Variants in MAGI2 observed in about 807,000 individuals in gnomAD.
MAGI2 encodes the protein membrane-associated guanylate kinase, WW and PDZ domain-containing protein 2.
Under a neutral mutation model 133.3 loss-of-function variants are expected in MAGI2, and 35 were observed. That is an observed-to-expected ratio of 0.26 (90% confidence interval 0.20 to 0.35). The LOEUF is 0.35. Ranked by LOEUF, MAGI2 falls within the 10% of genes least tolerant of loss-of-function variation. The pLI, the probability that MAGI2 is intolerant of heterozygous loss-of-function variation, is 1.00. For synonymous variants in MAGI2, 729 were observed against 710.6 expected, an observed-to-expected ratio of 1.03 and a Z score of -0.41; for missense variants, 1,636 against 1,863.4, an observed-to-expected ratio of 0.88 and a Z score of 2.25.
intron 6 of MAGI2, among the ~76,000 whole-genome samples, chr7:78,402,289 T>G (rs1796951483): frequency 6.6e-6 from 1 of 151,532 alleles, no homozygotes; most frequent in Admixed American, 6.6e-5. Context: ...GATGTGTATG[T>G]GTGTGTGTCC....
At chr7:78,672,862 T>C (rs1210914360) in intron 2 of MAGI2, among the ~76,000 whole-genome samples, 3 of 152,158 alleles carry the variant, frequency 2.0e-5, no homozygotes, top group African/African-American at 7.2e-5. Context: ...CCTCTTACCA[T>C]TGTCTCAAAC....
At chr7:79,412,769 T>C (rs927828323) in intron 1 of MAGI2, 2 of 152,142 alleles carry the variant, frequency 1.3e-5, no homozygotes, top group Non-Finnish European at 2.9e-5. Flanking sequence ...CATCTGTATG[T>C]TGAAAACAAT....
rs545684124 is a variant in MAGI2, at chr7:78,866,714, A to C, written c.418+140376T>G. On this transcript the variant is annotated intron_variant, in intron 2 of 21. Transcript: ENST00000354212. ...GCTAAATAATGGAAAAGATAGTATA[A>C]ATTTACAGGAACCAGATCTCCTGCT... 2.6e-5 allele frequency among the ~76,000 whole-genome samples: 4 copies of C among 152,146 alleles called. No homozygotes were observed. In the South Asian group the frequency reaches 8.3e-4, roughly 32 times the overall value.
chr7:78,925,961 CT>C (rs1207621399), intron 2 of MAGI2, among the ~76,000 whole-genome samples: 2 of 151,932 alleles, frequency 1.3e-5, no homozygotes, highest in African/African-American at 2.4e-5. Flanking sequence ...ATGCCCATTG[CT>C]TTTTTATGAC....
At chr7:79,087,618 T>G (rs1030555887) in intron 1 of MAGI2, among the ~76,000 whole-genome samples, 1 of 152,084 alleles carries the variant, frequency 6.6e-6, no homozygotes, top group Non-Finnish European at 1.5e-5. Context: ...CTAGGAATTT[T>G]ATGGTTTTAG....
At chr7:79,034,752 C>T (rs1379296188) in intron 1 of MAGI2, among the ~76,000 whole-genome samples, 3 of 92,780 alleles carry the variant, frequency 3.2e-5, no homozygotes, top group Non-Finnish European at 7.3e-5. Context: ...TGACCATAAG[C>T]ACATAAGACG....
At chr7:78,404,162 T>G (rs543910221) in intron 6 of MAGI2, among the ~76,000 whole-genome samples, 95 of 152,134 alleles carry the variant, frequency 6.2e-4, no homozygotes, top group Non-Finnish European at 1.1e-3. Context: ...CTCAATGAAA[T>G]AAAAGAGGAC....
At chr7:78,085,541 A>G (rs1816521911) in intron 20 of MAGI2, among the ~76,000 whole-genome samples, 1 of 122,828 alleles carries the variant, frequency 8.1e-6, no homozygotes, top group Non-Finnish European at 1.7e-5. Context: ...AAACAAAATA[A>G]TAAAACTCCC....
chr7:79,241,658 C>G (rs551499762), intron 1 of MAGI2, among the ~76,000 whole-genome samples: 1 of 152,232 alleles, frequency 6.6e-6, no homozygotes, highest in Non-Finnish European at 1.5e-5. Context: ...TGAAAAATGA[C>G]AAGATTAGGC....
chr7:79,269,669 G>A (rs1834734258), intron 1 of MAGI2, among the ~76,000 whole-genome samples: 1 of 152,168 alleles, frequency 6.6e-6, no homozygotes, highest in Non-Finnish European at 1.5e-5. Flanking sequence ...ATAACAGCAA[G>A]AGAAATGTGA....
chr7:78,806,702 C>T (rs912489933), intron 2 of MAGI2, among the ~76,000 whole-genome samples: 1 of 151,202 alleles, frequency 6.6e-6, no homozygotes, highest in African/African-American at 2.4e-5. Flanking sequence ...CCTGTCTCTA[C>T]AAAAAAATAA....
intron 9 of MAGI2, among the ~76,000 whole-genome samples, chr7:78,278,548 G>A (rs185146923): frequency 6.6e-6 from 1 of 152,182 alleles, no homozygotes; most frequent in East Asian, 1.9e-4. Flanking sequence ...TGTCAAGTTG[G>A]CTAGACTGTA....
chr7:78,994,386 T>C (rs1015839102), intron 2 of MAGI2, among the ~76,000 whole-genome samples: 2 of 152,148 alleles, frequency 1.3e-5, no homozygotes, highest in East Asian at 1.9e-4. Flanking sequence ...TTTGGGAGAA[T>C]GACCTCAGTG....
chr7:79,016,946 C>T (rs186739630), intron 1 of MAGI2, among the ~76,000 whole-genome samples: 2 of 152,258 alleles, frequency 1.3e-5, no homozygotes, highest in Non-Finnish European at 2.9e-5. Context: ...AACATTTTTG[C>T]CCATGCAAAT....
At chr7:78,339,831 C>T (rs940724145) in intron 9 of MAGI2, among the ~76,000 whole-genome samples, 8 of 152,194 alleles carry the variant, frequency 5.3e-5, no homozygotes, top group Admixed American at 1.3e-4. Flanking sequence ...CGTTTGGAAA[C>T]GTGGTGAGTT....
chr7:78,472,253 T>C (rs1009345028), intron 6 of MAGI2, among the ~76,000 whole-genome samples: 2 of 152,136 alleles, frequency 1.3e-5, no homozygotes, highest in Non-Finnish European at 2.9e-5. Context: ...AAAACTGCTA[T>C]CTCACATTTA....
chr7:78,274,092 G>A (rs1794830549), intron 9 of MAGI2, among the ~76,000 whole-genome samples: 1 of 152,164 alleles, frequency 6.6e-6, no homozygotes, highest in African/African-American at 2.4e-5. Flanking sequence ...TTTGGTCCTT[G>A]ATGTTGGGGA....
chr7:78,120,272 A>G (rs1329309139), intron 20 of MAGI2, among the ~76,000 whole-genome samples: 3 of 151,920 alleles, frequency 2.0e-5, no homozygotes, highest in Admixed American at 6.6e-5. Flanking sequence ...GCGTGGTGGC[A>G]GGTGCCTGTA....
At chr7:78,286,694 A>G (rs1796177443) in intron 9 of MAGI2, among the ~76,000 whole-genome samples, 1 of 152,136 alleles carries the variant, frequency 6.6e-6, no homozygotes, top group Non-Finnish European at 1.5e-5. Flanking sequence ...ATATACTAGA[A>G]TGGTCAAGGA....
Sources: allele counts gnomAD v4.1 joint callset (sites outside exome capture counted in the v4.1 genomes callset), GRCh38; gene constraint gnomAD v4.1.1; transcripts MANE v1.5; gene names NCBI Gene and HGNC (gene_info 2026-07-23, HGNC 2026-07-21).